Variants in PGAP6 observed in about 807,000 individuals in gnomAD.
PGAP6 encodes the protein post-GPI attachment to proteins 6.
Under a neutral mutation model 68.4 loss-of-function variants are expected in PGAP6, and 62 were observed. The observed-to-expected ratio is 0.91, with a 90% CI of 0.74 to 1.12. The LOEUF (loss-of-function observed/expected upper bound fraction) is 1.12, where lower values mean the gene tolerates loss of function less well. Ranked by LOEUF, PGAP6 falls within the 50% of genes most tolerant of loss-of-function variation. The probability of loss-of-function intolerance (pLI) is 0.00; values close to 1 mark genes in which losing one functional copy is unlikely to be tolerated. For synonymous variants in PGAP6, 575 were observed against 474.0 expected (o/e 1.21, Z -2.77); for missense variants, 1,188 against 1,068.5 (o/e 1.11, Z -1.56).
rs1036320492 is a variant in PGAP6, at chr16:377,815, G to A, written c.155C>T (p.Ala52Val). ...VGLVSEHFSQ[A>V]PQRLSFYSWY... Reference sequence around the variant, plus strand: ...GCTGTAGAAGGACAGCCTCTGCGGGGCCTGCGAGAAGTGCTCGGACACCAG... The same window carrying A: ...GCTGTAGAAGGACAGCCTCTGCGGGACCTGCGAGAAGTGCTCGGACACCAG... The change falls in exon 2 of 13, where the codon GCC becomes GTC. Residue 52 changes from alanine to valine, a missense_variant. Transcript: ENST00000431232. 4 of 1,571,950 alleles carry A rather than the reference G, an allele frequency of 2.5e-6. No homozygotes were observed. In the African/African-American group the frequency reaches 4.1e-5, roughly 16 times the overall value.
chr16:375,104 G>A (rs1386891391), intron 8 of PGAP6, 29 bp downstream of exon 8: 1 of 1,610,264 alleles, frequency 6.2e-7, no homozygotes. Flanking sequence ...AGGGTGCCTG[G>A]CCCCCGTCTC....
chr16:377,084 C>T lies in PGAP6; in HGVS notation c.588G>A (p.Pro196=), dbSNP rs150398670. 33 of 1,613,474 alleles carry T rather than the reference C, an allele frequency of 2.0e-5. No individual in the cohort carries two copies. The highest frequency in any genetic ancestry group is 1.6e-4 in the Middle Eastern group (1 of 6,062). ...TRVVEISIME[P]DVPLPQTLLS... Reference sequence around the variant, plus strand: ...GGAGGGTCTGAGGAAGGGGCACGTCCGGCTCCATGATGGAAATCTCGACCA... The same window carrying T: ...GGAGGGTCTGAGGAAGGGGCACGTCTGGCTCCATGATGGAAATCTCGACCA... The change falls in exon 4 of 13, where the codon CCG becomes CCA. Residue 196 remains proline, a synonymous_variant. Coordinates refer to ENST00000431232, the MANE Select transcript of PGAP6 (RefSeq NM_021259.3).
intron 1 of PGAP6, among the ~76,000 whole-genome samples, chr16:378,976 C>T (rs759371065): frequency 1.1e-4 from 17 of 152,236 alleles, no homozygotes; most frequent in African/African-American, 3.9e-4. Flanking sequence ...CCCAGCCCCC[C>T]GTGCCAGCTC....
chr16:376,086 C>G lies in PGAP6; in HGVS notation c.1224+50G>C, dbSNP rs566454439. ...ATGAGGAGGCGCTGCAGGGGTTGCC[C>G]GGCGCCCTGCCCGAGCCCAGGCCAC... On this transcript the variant is annotated intron_variant, in intron 6 of 12. Coordinates refer to ENST00000431232, the MANE Select transcript of PGAP6 (RefSeq NM_021259.3). 7.8e-6 allele frequency: 12 copies of G among 1,530,650 alleles called. 1 individual carries two copies. The South Asian group carries it at 1.5e-4, about 19-fold the overall frequency. 94.8% of individuals were successfully genotyped at this position (1,530,650 alleles called of 1,614,324 possible).
chr16:374,683 G>A, intron 9 of PGAP6, 73 bp downstream of exon 9: 1 of 1,583,962 alleles, frequency 6.3e-7, no homozygotes, highest in East Asian at 2.2e-5. Flanking sequence ...CGCTCCCCCA[G>A]GGGAAAGGCA....
upstream of PGAP6, chr16:382,140 C>T (rs1436285834): frequency 1.7e-5 from 6 of 359,040 alleles, no homozygotes; most frequent in Non-Finnish European, 1.9e-5. Flanking sequence ...GGGGCGCGCG[C>T]GGTCCGGGGG....
upstream of PGAP6, among the ~76,000 whole-genome samples, chr16:383,631 A>G (rs2054463032): frequency 6.6e-6 from 1 of 152,244 alleles, no homozygotes; most frequent in African/African-American, 2.4e-5. Flanking sequence ...CAAGAAAGGA[A>G]CAGGAAGAAC....
At position 376,721 on chromosome 16, in the gene PGAP6, C is replaced by T. The variant is rs769443044; in HGVS notation, c.727G>A (p.Val243Met). The change falls in exon 5 of 13, where the codon GTG (valine) becomes ATG (methionine). Residue 243 changes from valine (V) to methionine (M), a missense_variant. Physicochemically the swap from Val to Met is conservative, Grantham distance 21. Coordinates refer to ENST00000431232, the MANE Select transcript of PGAP6 (RefSeq NM_021259.3). The part of the protein sequence containing the change: ...GSLGCPVRLT[V>M]GPVTLPSNFQ... ...TTGCTAGGCAGGGTGACCGGGCCCA[C>T]GGTGAGACGCACGGGGCAGCCCAGG... The T allele has an allele frequency of 9.3e-6, 15 of 1,611,596 alleles. No individual in the cohort carries two copies. Among genetic ancestry groups the T allele is most frequent in the Admixed American group, 3.3e-5 (2 of 59,962 alleles).
Position 376,679 on chromosome 16 carries a change from T to G in PGAP6, c.769A>C (p.Thr257Pro). The change falls in exon 5 of 13, where the codon ACC becomes CCC. Residue 257 changes from threonine (T) to proline (P), a missense_variant. Physicochemically the swap from Thr to Pro is conservative, Grantham distance 38 (BLOSUM62 -1). Transcript: ENST00000431232. ...CAGGGCCAGGGGGCACCGGTGCAGGTGAGCACCTTCTGGAAGTTGCTAGGC... is the reference window on the plus strand; with the variant it reads ...CAGGGCCAGGGGGCACCGGTGCAGGGGAGCACCTTCTGGAAGTTGCTAGGC... ...TLPSNFQKVL[T>P]CTGAPWPCRL... 1 of 1,611,288 alleles carries G rather than the reference T, an allele frequency of 6.2e-7. No homozygotes were observed. The highest frequency in any genetic ancestry group is 2.2e-5 in the East Asian group (1 of 44,854).
chr16:371,759 C>T lies in PGAP6; in HGVS notation c.*228G>A. Reference sequence around the variant, plus strand: ...CCCAGGCCCCAGGGGCCACTGCAGACAGCAGCTGGGATCTGCAGAGGGATC... The same window carrying T: ...CCCAGGCCCCAGGGGCCACTGCAGATAGCAGCTGGGATCTGCAGAGGGATC... On this transcript the variant is annotated 3_prime_UTR_variant, in exon 13 of 13. Transcript: ENST00000431232. The T allele has an allele frequency of 1.8e-6, 1 of 551,712 alleles. No individual in the cohort carries two copies. The highest frequency in any genetic ancestry group is 3.2e-6 in the Non-Finnish European group (1 of 307,732). The allele number at this position is 551,712 out of a possible 1,614,324, so 34.2% of individuals were successfully genotyped here. A position where few individuals can be genotyped will look rare whatever the true frequency, so the allele number is the denominator to read the frequency against.
At chr16:383,689 G>T (rs1160860004), upstream of PGAP6, among the ~76,000 whole-genome samples, 2 of 152,218 alleles carry the variant, frequency 1.3e-5, no homozygotes, top group African/African-American at 4.8e-5. Flanking sequence ...AGAAAAACAC[G>T]TTTCCTTTGT....
At chr16:372,808 A>C in intron 11 of PGAP6, 81 bp from the exon 12 acceptor site, 2 of 988,898 alleles carry the variant, frequency 2.0e-6, no homozygotes, top group Non-Finnish European at 3.1e-6. Flanking sequence ...CCACGGCCCC[A>C]CAGCACCTCT....
upstream of PGAP6, among the ~76,000 whole-genome samples, chr16:383,933 G>A (rs986803311): frequency 6.6e-6 from 1 of 152,236 alleles, no homozygotes; most frequent in Non-Finnish European, 1.5e-5. Context: ...TGGCCGGGGA[G>A]GAAGGAAGCC....
rs1003877569 is a variant in PGAP6 at position 376,597 on chromosome 16, C to A, written c.851G>T (p.Ser284Ile). ...WDRWLQVTAESLVGPLGTVAF... is the reference protein window; with the variant it reads ...WDRWLQVTAEILVGPLGTVAF... ...CACTGTCCCGAGGGGCCCCACCAGG[C>A]TCTCAGCTGTCACTTGCAGCCACCG... Residue 284 changes from serine to isoleucine, a missense_variant, in exon 5 of 13, where the codon AGC becomes ATC. By Grantham distance (142) the Ser-to-Ile change is moderately radical. Coordinates refer to ENST00000431232, the MANE Select transcript of PGAP6 (RefSeq NM_021259.3). 1.2e-5 allele frequency: 19 copies of A among 1,585,080 alleles called. No individual in the cohort carries two copies. Among genetic ancestry groups the A allele is most frequent in the Non-Finnish European group, 1.5e-5 (18 of 1,165,534 alleles).
At chr16:382,122 G>C (rs374712354), upstream of PGAP6, 1 of 370,486 alleles carries the variant, frequency 2.7e-6, no homozygotes. Context: ...GCGCGCGGGG[G>C]ACGGACCGGG....
At chr16:386,840 G>A (rs2054488525), upstream of PGAP6, 2 of 689,246 alleles carry the variant, frequency 2.9e-6, no homozygotes, top group South Asian at 2.7e-5. Context: ...AGGCCAAGAA[G>A]GCAGCGTTGA....
intron 6 of PGAP6, among the ~76,000 whole-genome samples, chr16:375,907 T>C (rs1269474283): frequency 1.3e-5 from 2 of 152,148 alleles, no homozygotes; most frequent in Non-Finnish European, 2.9e-5. Flanking sequence ...TGGGACATCC[T>C]GCCTCCACCC....
Position 372,301 on chromosome 16 carries a change from G to A in PGAP6, c.2020-18C>T, listed in dbSNP as rs1484830641. The A allele has an allele frequency of 1.6e-5, 26 of 1,600,540 alleles. No homozygotes were observed. Among genetic ancestry groups the A allele is most frequent in the South Asian group, 3.3e-5 (3 of 90,650 alleles). On this transcript the variant is annotated intron_variant, in intron 12 of 12. Transcript: ENST00000431232. ...CGGTAAGCCTGGAGAAAACAGCCACGCAGGTATCAGTGCAGGTGGGGCCGC... is the reference window on the plus strand; with the variant it reads ...CGGTAAGCCTGGAGAAAACAGCCACACAGGTATCAGTGCAGGTGGGGCCGC...
intron 1 of PGAP6, among the ~76,000 whole-genome samples, chr16:379,385 G>A (rs946351393): frequency 1.3e-5 from 2 of 152,238 alleles, no homozygotes; most frequent in Non-Finnish European, 2.9e-5. Context: ...ACCTGGCGTG[G>A]CGACTGGGCA....
Sources: allele counts gnomAD v4.1 joint callset (sites outside exome capture counted in the v4.1 genomes callset), GRCh38; gene constraint gnomAD v4.1.1; transcripts MANE v1.5; gene names NCBI Gene and HGNC (gene_info 2026-07-23, HGNC 2026-07-21).